STEAP1B: variants seen among roughly 807,000 people sequenced by gnomAD.
STEAP1B encodes the protein STEAP family protein MGC87042.
In STEAP1B, 13 loss-of-function variants were observed where a neutral mutation model predicts 27.9. The ratio of observed to expected loss-of-function variants is 0.47; its 90% CI spans 0.30 to 0.74. The LOEUF (loss-of-function observed/expected upper bound fraction) is 0.74. Ranked by LOEUF, STEAP1B falls within the 30% of genes least tolerant of loss-of-function variation. The probability of loss-of-function intolerance (pLI) is 0.06; values close to 1 mark genes in which losing one functional copy is unlikely to be tolerated. For missense variants in STEAP1B, 250 were observed against 298.7 expected (o/e 0.84, Z 1.20); for synonymous variants, 86 against 107.1 (o/e 0.80, Z 1.22).
chr7:22,456,952 C>CCATATATATATATATATATATATA (rs1478025290), intron 4 of STEAP1B, among the ~76,000 whole-genome samples: 12 of 73,282 alleles, frequency 1.6e-4, no homozygotes, highest in Admixed American at 6.5e-4. Flanking sequence ...GGATAGGCAG[C>CCATATATATATATATATATATATA]TATATATATA....
chr7:22,467,178 T>C, intron 4 of STEAP1B, among the ~76,000 whole-genome samples: 1 of 152,218 alleles, frequency 6.6e-6, no homozygotes, highest in Admixed American at 6.5e-5. Flanking sequence ...CAATTTTATT[T>C]AAAAGGATAA....
At chr7:22,428,675 C>T (rs1785140224) in intron 4 of STEAP1B, among the ~76,000 whole-genome samples, 1 of 152,018 alleles carries the variant, frequency 6.6e-6, no homozygotes, top group Admixed American at 6.6e-5. Flanking sequence ...ATAAAGCACG[C>T]ACCTATAGTC....
chr7:22,467,243 G>A (rs1785800997), intron 4 of STEAP1B, among the ~76,000 whole-genome samples: 1 of 152,144 alleles, frequency 6.6e-6, no homozygotes, highest in Non-Finnish European at 1.5e-5. Flanking sequence ...GAAACTCTCA[G>A]GAAATTCCCA....
intron 4 of STEAP1B, among the ~76,000 whole-genome samples, chr7:22,479,244 T>C (rs944230441): frequency 2.0e-5 from 3 of 150,954 alleles, no homozygotes; most frequent in African/African-American, 7.3e-5. Context: ...GGGGGAGAGG[T>C]AGATGGAAGA....
chr7:22,426,984 T>C (rs752497802), intron 4 of STEAP1B, among the ~76,000 whole-genome samples: 19 of 152,068 alleles, frequency 1.2e-4, no homozygotes, highest in Non-Finnish European at 2.4e-4. Flanking sequence ...GAGAAAGTGA[T>C]CCATGCAGGT....
At chr7:22,441,917 A>C (rs1275256403) in intron 4 of STEAP1B, among the ~76,000 whole-genome samples, 1 of 152,232 alleles carries the variant, frequency 6.6e-6, no homozygotes, top group Non-Finnish European at 1.5e-5. Flanking sequence ...AGACTTTTGA[A>C]TAAAACTAGC....
intron 4 of STEAP1B, among the ~76,000 whole-genome samples, chr7:22,474,014 T>C (rs1277164007): frequency 1.3e-5 from 2 of 152,200 alleles, no homozygotes; most frequent in Non-Finnish European, 2.9e-5. Flanking sequence ...TGTTTTATTA[T>C]TAAAGGTCAA....
chr7:22,473,084 G>A (rs1410130715), intron 4 of STEAP1B, among the ~76,000 whole-genome samples: 1 of 152,086 alleles, frequency 6.6e-6, no homozygotes, highest in Non-Finnish European at 1.5e-5. Context: ...AAGCAAAGGT[G>A]GAATTGAGGA....
At chr7:22,425,802 C>T (rs968769278) in intron 4 of STEAP1B, among the ~76,000 whole-genome samples, 17 of 152,306 alleles carry the variant, frequency 1.1e-4, no homozygotes, top group African/African-American at 1.4e-4. Context: ...ATAGGCCTTT[C>T]AGATTTGACT....
chr7:22,492,319 C>CAA lies in STEAP1B; in HGVS notation c.762+244_762+245dup, dbSNP rs56679156. 118 of 54,798 alleles carry CAA rather than the reference C, an allele frequency of 2.2e-3. 1 individual carries two copies. Among genetic ancestry groups the CAA allele is most frequent in the South Asian group, 4.7e-3 (6 of 1,270 alleles). The allele number at this position is 54,798 out of a possible 1,614,324, so 3.4% of individuals were successfully genotyped here. The stretch of plus-strand genomic sequence containing the variant: ...GGGCAACAGAGCGAGACTTCATCTC[C>CAA]AAAAAAAAAAAAAAAAAAAAAAAAA... On this transcript the variant is annotated intron_variant, in intron 4 of 4. Transcript: ENST00000678116.
intron 4 of STEAP1B, among the ~76,000 whole-genome samples, chr7:22,466,919 T>C (rs1785794462): frequency 6.6e-6 from 1 of 152,182 alleles, no homozygotes; most frequent in Non-Finnish European, 1.5e-5. Context: ...GATTTTCTCA[T>C]CTGGAAAATG....
In STEAP1B at chr7:22,433,789, T is replaced by C. The variant is rs995136492; in HGVS notation, c.763-13953A>G. On this transcript the variant is annotated intron_variant, in intron 4 of 4. Coordinates refer to ENST00000678116, the MANE Select transcript of STEAP1B (RefSeq NM_001382447.1). ...TGAGTCCTTGAACTGGTATAACTGG[T>C]TGTCAACTGAGATGAATTAAAGAAC... Among the ~76,000 whole-genome samples, 7 of 152,332 alleles carry C rather than the reference T, an allele frequency of 4.6e-5. No individual in the cohort carries two copies. The South Asian group carries it at 1.4e-3, about 32-fold the overall frequency.
chr7:22,481,264 C>CATTT (rs1485294624), intron 4 of STEAP1B, among the ~76,000 whole-genome samples: 1 of 152,216 alleles, frequency 6.6e-6, no homozygotes, highest in African/African-American at 2.4e-5. Flanking sequence ...TCCCCATTTA[C>CATTT]ATTTAATGGT....
chr7:22,445,909 T>C (rs1785402530), intron 4 of STEAP1B, among the ~76,000 whole-genome samples: 1 of 152,222 alleles, frequency 6.6e-6, no homozygotes, highest in South Asian at 2.1e-4. Context: ...TAATCAGTCT[T>C]TCCCCCTGAT....
chr7:22,441,574 G>C (rs530617958), intron 4 of STEAP1B, among the ~76,000 whole-genome samples: 4 of 152,314 alleles, frequency 2.6e-5, no homozygotes, highest in African/African-American at 9.6e-5. Context: ...CCCTGACTCT[G>C]TACCGCTCTC....
intron 4 of STEAP1B, among the ~76,000 whole-genome samples, chr7:22,471,609 G>GA (rs1562578986): frequency 6.6e-6 from 1 of 152,164 alleles, no homozygotes; most frequent in African/African-American, 2.4e-5. Context: ...TTGATTAACA[G>GA]AAATTGTTTT....
intron 4 of STEAP1B, among the ~76,000 whole-genome samples, chr7:22,486,800 C>A (rs985814778): frequency 1.3e-5 from 2 of 152,114 alleles, no homozygotes; most frequent in Non-Finnish European, 2.9e-5. Flanking sequence ...GCCACACTGG[C>A]CACTAGCCCT....
intron 4 of STEAP1B, among the ~76,000 whole-genome samples, chr7:22,428,778 G>A (rs6461645): frequency 0.033 from 5,078 of 152,018 alleles, 286 homozygotes; most frequent in African/African-American, 0.12. Context: ...GTGACAGAGC[G>A]AGAGTCCGTC....
At chr7:22,461,129 CA>C (rs1785672118) in intron 4 of STEAP1B, among the ~76,000 whole-genome samples, 1 of 152,176 alleles carries the variant, frequency 6.6e-6, no homozygotes, top group South Asian at 2.1e-4. Context: ...AACTGCTTAC[CA>C]CTCATTCTGG....
Sources: allele counts gnomAD v4.1 joint callset (sites outside exome capture counted in the v4.1 genomes callset), GRCh38; gene constraint gnomAD v4.1.1; transcripts MANE v1.5; gene names NCBI Gene and HGNC (gene_info 2026-07-23, HGNC 2026-07-21).